ROBO1: variants seen among roughly 807,000 people sequenced by gnomAD.
The protein encoded by ROBO1 is roundabout homolog 1.
Under a neutral mutation model 195.9 loss-of-function variants are expected in ROBO1, and 149 were observed. That is an observed-to-expected ratio of 0.76 (90% CI 0.67 to 0.87). ROBO1 has a LOEUF of 0.87. Among genes scored for constraint, ROBO1 ranks in the 40% least tolerant of loss-of-function variants. The pLI is 0.00. For synonymous variants in ROBO1, 816 were observed against 733.2 expected, an observed-to-expected ratio of 1.11 and a Z score of -1.82; for missense variants, 1,933 against 2,068.3, an observed-to-expected ratio of 0.93 and a Z score of 1.27.
intron 2 of ROBO1, among the ~76,000 whole-genome samples, chr3:79,458,486 G>A (rs1489489992): frequency 1.3e-5 from 2 of 152,078 alleles, no homozygotes; most frequent in Non-Finnish European, 2.9e-5. Context: ...GATGCATGAG[G>A]GGATGAATGC....
chr3:79,125,473 T>C lies in ROBO1; in HGVS notation c.155A>G (p.Asn52Ser), dbSNP rs1380399227. Residue 52 changes from asparagine to serine, a missense_variant, in exon 3 of 31, where the codon AAT (asparagine) becomes AGT (serine). This residue lies in a region of ROBO1 where 185 missense variants were observed against 159.5 expected (regional missense o/e 1.16). Coordinates refer to ENST00000464233, the MANE Select transcript of ROBO1 (RefSeq NM_002941.4). ...TPIPTSDNDD[N>S]SLGYTGSRLR... The stretch of plus-strand genomic sequence containing the variant: ...CACTCTACCTGTATAGCCCAGCGAA[T>C]TGTCATCGTTATCAGAGGTGGGGAT... 4.3e-6 allele frequency: 7 copies of C among 1,613,456 alleles called. No individual in the cohort carries two copies. Among genetic ancestry groups the C allele is most frequent in the African/African-American group, 2.7e-5 (2 of 74,896 alleles).
chr3:78,781,916 T>C (rs1384108536), intron 4 of ROBO1, among the ~76,000 whole-genome samples: 1 of 152,162 alleles, frequency 6.6e-6, no homozygotes, highest in Non-Finnish European at 1.5e-5. Context: ...TGTACAAAAG[T>C]GTACATGCAA....
intron 2 of ROBO1, among the ~76,000 whole-genome samples, chr3:79,586,431 T>C (rs989579206): frequency 1.8e-4 from 27 of 151,860 alleles, no homozygotes; most frequent in African/African-American, 6.5e-4. Context: ...TCCAGGCTTG[T>C]TGACATGAGT....
At chr3:78,882,597 T>A (rs2036249100) in intron 4 of ROBO1, among the ~76,000 whole-genome samples, 1 of 152,146 alleles carries the variant, frequency 6.6e-6, no homozygotes, top group African/African-American at 2.4e-5. Context: ...TCATACATGT[T>A]ATCCTCTTTC....
At chr3:78,693,636 A>T (rs1416646350) in intron 8 of ROBO1, among the ~76,000 whole-genome samples, 1 of 152,232 alleles carries the variant, frequency 6.6e-6, no homozygotes, top group African/African-American at 2.4e-5. Context: ...ATTATAAAAC[A>T]TTTTAAAATA....
At chr3:79,372,007 G>A (rs1470053875) in intron 2 of ROBO1, among the ~76,000 whole-genome samples, 2 of 152,054 alleles carry the variant, frequency 1.3e-5, no homozygotes, top group Admixed American at 1.3e-4. Flanking sequence ...TCCCTTACAT[G>A]TGCAGTTCAC....
intron 4 of ROBO1, among the ~76,000 whole-genome samples, chr3:78,907,922 T>C (rs2038020102): frequency 6.6e-6 from 1 of 151,976 alleles, no homozygotes; most frequent in Non-Finnish European, 1.5e-5. Flanking sequence ...AACAATAAAA[T>C]TTCTAAGCAT....
At chr3:79,462,604 T>C (rs752348582) in intron 2 of ROBO1, among the ~76,000 whole-genome samples, 3 of 152,154 alleles carry the variant, frequency 2.0e-5, no homozygotes, top group Non-Finnish European at 4.4e-5. Context: ...GAAGCACTTT[T>C]GGAAAGAAAA....
At chr3:78,794,686 C>T (rs1025295272) in intron 4 of ROBO1, among the ~76,000 whole-genome samples, 2 of 152,138 alleles carry the variant, frequency 1.3e-5, no homozygotes, top group African/African-American at 4.8e-5. Context: ...CCTGGATTCT[C>T]CCACCTCAGC....
intron 8 of ROBO1, among the ~76,000 whole-genome samples, chr3:78,698,333 T>A (rs551975780): frequency 6.6e-6 from 1 of 152,292 alleles, no homozygotes; most frequent in Admixed American, 6.5e-5. Flanking sequence ...ACTCTCAGGA[T>A]ATTTTAATAC....
intron 1 of ROBO1, among the ~76,000 whole-genome samples, chr3:79,720,674 G>A (rs1455711938): frequency 6.6e-6 from 1 of 151,928 alleles, no homozygotes; most frequent in African/African-American, 2.4e-5. Context: ...CAAGATTTCT[G>A]TTACATTCAT....
intron 8 of ROBO1, among the ~76,000 whole-genome samples, chr3:78,709,836 G>C (rs1416300367): frequency 2.6e-5 from 4 of 152,174 alleles, no homozygotes; most frequent in Admixed American, 6.5e-5. Context: ...GTCACTCTTA[G>C]AGATAACGGA....
chr3:78,894,956 T>C (rs1256042329), intron 4 of ROBO1, among the ~76,000 whole-genome samples: 2 of 152,232 alleles, frequency 1.3e-5, no homozygotes, highest in Admixed American at 6.5e-5. Context: ...TTCTTGTGCA[T>C]ATGCACACTG....
intron 2 of ROBO1, among the ~76,000 whole-genome samples, chr3:79,217,617 C>T (rs1230496594): frequency 6.6e-6 from 1 of 151,834 alleles, no homozygotes; most frequent in Non-Finnish European, 1.5e-5. Context: ...ACTATTTCTG[C>T]ATGTCTACAT....
intron 3 of ROBO1, among the ~76,000 whole-genome samples, chr3:78,982,723 G>C (rs2077024266): frequency 2.6e-5 from 4 of 151,784 alleles, no homozygotes; most frequent in Admixed American, 1.3e-4. Flanking sequence ...CCACCCCCCA[G>C]GTTCAGGAGA....
chr3:79,045,345 A>C (rs544867353), intron 3 of ROBO1, among the ~76,000 whole-genome samples: 5 of 152,216 alleles, frequency 3.3e-5, no homozygotes, highest in South Asian at 2.1e-4. Flanking sequence ...TTCTTAAAAA[A>C]GCTAGTGAAA....
At chr3:78,915,989 C>T (rs529751727) in intron 4 of ROBO1, among the ~76,000 whole-genome samples, 3 of 152,220 alleles carry the variant, frequency 2.0e-5, no homozygotes, top group East Asian at 1.9e-4. Context: ...CGGTGGCTCA[C>T]GCCTGTAATC....
At chr3:79,464,222 T>C (rs1217054973) in intron 2 of ROBO1, among the ~76,000 whole-genome samples, 2 of 152,230 alleles carry the variant, frequency 1.3e-5, no homozygotes, top group Non-Finnish European at 2.9e-5. Context: ...AATTCTGTTA[T>C]AAACATCTGT....
chr3:78,839,460 T>C (rs1431743474), intron 4 of ROBO1, among the ~76,000 whole-genome samples: 1 of 151,784 alleles, frequency 6.6e-6, no homozygotes, highest in Non-Finnish European at 1.5e-5. Flanking sequence ...CTATGAAATT[T>C]TTTTCATTAA....
Sources: gnomAD v4.1 joint callset for allele counts (sites outside exome capture counted in the v4.1 genomes callset) on GRCh38, gnomAD v4.1.1 for gene constraint, gnomAD v4.1.1 regional missense constraint, MANE v1.5 for transcripts, NCBI Gene and HGNC (gene_info 2026-07-23, HGNC 2026-07-21) for gene names.